DMD: variants seen among roughly 807,000 people sequenced by gnomAD.
The protein encoded by DMD is dystrophin.
In DMD, 63 loss-of-function variants were observed where a neutral mutation model predicts 330.1. The observed-to-expected ratio is 0.19, with a 90% confidence interval of 0.16 to 0.24. The LOEUF (loss-of-function observed/expected upper bound fraction) is 0.24. Among genes scored for constraint, DMD ranks in the 10% least tolerant of loss-of-function variants. The pLI, the probability that DMD is intolerant of heterozygous loss-of-function variation, is 1.00. For synonymous variants in DMD, 1,223 were observed against 959.8 expected (o/e 1.27, Z -5.07); for missense variants, 3,344 against 2,684.1 (o/e 1.25, Z -5.43).
intron 44 of DMD, among the ~76,000 whole-genome samples, chrX:32,124,486 G>A (rs2096652211): frequency 8.9e-6 from 1 of 111,927 alleles, no homozygotes. Context: ...CGTTTACCTA[G>A]GTCCAAAGTC....
chrX:33,069,542 A>G (rs185788873), intron 1 of DMD, among the ~76,000 whole-genome samples: 1 of 111,687 alleles, frequency 9.0e-6, no homozygotes, highest in East Asian at 2.8e-4. Flanking sequence ...ATAATGAGCA[A>G]TTATAGCCTA....
intron 29 of DMD, among the ~76,000 whole-genome samples, chrX:32,421,706 C>T (rs73467623): frequency 8.9e-6 from 1 of 111,872 alleles, no homozygotes; most frequent in African/African-American, 3.3e-5. Flanking sequence ...GGCATCTTCT[C>T]ATCGTCTATA....
At chrX:33,033,588 G>A (rs1431715094) in intron 1 of DMD, among the ~76,000 whole-genome samples, 3 of 101,823 alleles carry the variant, frequency 2.9e-5, no homozygotes, top group Non-Finnish European at 6.0e-5. Context: ...GCGTGGTGGC[G>A]GGCACCTGTA....
intron 43 of DMD, among the ~76,000 whole-genome samples, chrX:32,269,211 C>T (rs900088428): frequency 1.8e-5 from 2 of 110,909 alleles, no homozygotes; most frequent in African/African-American, 3.3e-5. Context: ...CCAGTAAATA[C>T]ACCGTGCATG....
At chrX:32,784,822 C>T (rs1307052070) in intron 7 of DMD, among the ~76,000 whole-genome samples, 1 of 111,345 alleles carries the variant, frequency 9.0e-6, no homozygotes, top group African/African-American at 3.3e-5. Flanking sequence ...AAAAAATATT[C>T]TCTGAATTAG....
intron 50 of DMD, among the ~76,000 whole-genome samples, chrX:31,802,366 G>A (rs886726897): frequency 9.0e-6 from 1 of 111,259 alleles, no homozygotes; most frequent in Non-Finnish European, 1.9e-5. Flanking sequence ...ACAAGTGAAA[G>A]GTGGGACTAT....
At chrX:33,097,121 G>C (rs1026457074) in intron 1 of DMD, among the ~76,000 whole-genome samples, 1 of 111,225 alleles carries the variant, frequency 9.0e-6, no homozygotes, top group African/African-American at 3.3e-5. Flanking sequence ...ACAGTTGAGA[G>C]AATGAGCTGG....
At chrX:32,348,647 A>C in intron 37 of DMD, 119 bp from the exon 38 acceptor site, 1 of 671,936 alleles carries the variant, frequency 1.5e-6, no homozygotes, top group Non-Finnish European at 2.2e-6. Flanking sequence ...TTATGTTTCC[A>C]TATTATGTTT....
At chrX:32,630,466 A>ATC (rs1217589980) in intron 11 of DMD, among the ~76,000 whole-genome samples, 2 of 107,198 alleles carry the variant, frequency 1.9e-5, no homozygotes, top group Admixed American at 1.0e-4. Context: ...TTGAATTTTA[A>ATC]TCTCTCTCTC....
At chrX:33,269,057 T>C (rs2053103871) in intron 1 of DMD, among the ~76,000 whole-genome samples, 1 of 111,447 alleles carries the variant, frequency 9.0e-6, no homozygotes, top group African/African-American at 3.3e-5. Flanking sequence ...AAAACAGATC[T>C]ATCATTCAAT....
intron 55 of DMD, among the ~76,000 whole-genome samples, chrX:31,569,573 G>GTA (rs72024529): frequency 5.2e-4 from 45 of 87,266 alleles, no homozygotes; most frequent in East Asian, 3.0e-3. Context: ...ATATATATGT[G>GTA]TATATATATA....
chrX:31,761,869 G>A (rs2089617763), intron 51 of DMD, among the ~76,000 whole-genome samples: 1 of 112,184 alleles, frequency 8.9e-6, no homozygotes, highest in Non-Finnish European at 1.9e-5. Context: ...GAAGAAAAAT[G>A]TGCATTATTA....
At chrX:33,117,817 A>G (rs2095396326) in intron 1 of DMD, among the ~76,000 whole-genome samples, 1 of 111,685 alleles carries the variant, frequency 9.0e-6, no homozygotes, top group South Asian at 3.8e-4. Context: ...ACGCTAATCA[A>G]CTATGGAAAG....
Position 32,890,147 on chromosome X carries a change from G to A in DMD, c.94-40327C>T, listed in dbSNP as rs756962148. Among the ~76,000 whole-genome samples, 4 of 111,167 alleles carry A rather than the reference G, an allele frequency of 3.6e-5. No homozygotes were observed. The Admixed American group carries it at 3.8e-4, about 11-fold the overall frequency. ...GTAATAAATCAGACAACAATTAAGA[G>A]CCAAGTCATCTTGAGACAAGAGCTC... On this transcript the variant is annotated intron_variant, in intron 2 of 78. Coordinates refer to ENST00000357033, the MANE Select transcript of DMD (RefSeq NM_004006.3).
intron 44 of DMD, among the ~76,000 whole-genome samples, chrX:31,982,858 A>G: frequency 9.2e-6 from 1 of 108,281 alleles, no homozygotes; most frequent in Non-Finnish European, 1.9e-5. Flanking sequence ...AAAGTTTTTC[A>G]GAGATATGGC....
intron 9 of DMD, among the ~76,000 whole-genome samples, chrX:32,679,037 A>T (rs917416837): frequency 8.9e-6 from 1 of 112,134 alleles, no homozygotes; most frequent in Non-Finnish European, 1.9e-5. Flanking sequence ...TCTCAAAGTC[A>T]CTGGAAAAAA....
At chrX:33,144,121 C>A (rs2047921791) in intron 1 of DMD, among the ~76,000 whole-genome samples, 1 of 111,809 alleles carries the variant, frequency 8.9e-6, no homozygotes, top group East Asian at 2.8e-4. Context: ...ATCAAGTACT[C>A]AAATAATTTA....
At position 33,313,649 on chromosome X, in the gene DMD, G is replaced by C. The variant is rs553844943; in HGVS notation, c.7+25610C>G. 1.2e-4 allele frequency among the ~76,000 whole-genome samples: 13 copies of C among 106,672 alleles called. No homozygotes were observed. In the South Asian group the frequency reaches 2.1e-3, roughly 18 times the overall value. The allele number at this position is 106,672 out of a possible 115,157, so 92.6% of individuals were successfully genotyped here. On this transcript the variant is annotated intron_variant, in intron 1 of 17. Transcript: ENST00000288447. The stretch of plus-strand genomic sequence containing the variant: ...CTATACAGTGCTACTTAGAACTTCA[G>C]TGTCTTCTTGTTAAGCGAAGTGGAT...
chrX:31,620,694 C>T (rs971298191), intron 55 of DMD, among the ~76,000 whole-genome samples: 2 of 111,331 alleles, frequency 1.8e-5, no homozygotes, highest in African/African-American at 6.5e-5. Context: ...GGATTATATG[C>T]ATGAGCCACC....
Sources: allele counts gnomAD v4.1 joint callset (sites outside exome capture counted in the v4.1 genomes callset), GRCh38; gene constraint gnomAD v4.1.1; transcripts MANE v1.5; gene names NCBI Gene and HGNC (gene_info 2026-07-23, HGNC 2026-07-21).